The following FBXO10 variants were observed in gnomAD, a reference collection of about 807,000 sequenced individuals.
The protein encoded by FBXO10 is F-box only protein 10.
FBXO10 carries 39 observed loss-of-function variants against 80.7 expected under a neutral mutation model. That is an observed-to-expected ratio of 0.48 (90% confidence interval 0.37 to 0.63). FBXO10 has a LOEUF of 0.63. Among genes scored for constraint, FBXO10 ranks in the 30% least tolerant of loss-of-function variants. The pLI, the probability that FBXO10 is intolerant of heterozygous loss-of-function variation, is 0.00. For synonymous variants in FBXO10, 449 were observed against 489.6 expected, an observed-to-expected ratio of 0.92 and a Z score of 1.09; for missense variants, 1,025 against 1,269.0, an observed-to-expected ratio of 0.81 and a Z score of 2.92.
rs1042885955 is a variant in FBXO10 at position 37,555,660 on chromosome 9, C to T, written c.-6-13886G>A. ...CCTCCCAAAGCACTGGGATTACAGG[C>T]GTGAGCCACTGCGCCTGGTCCTTTT... On this transcript the variant is annotated intron_variant, in intron 1 of 10. Transcript: ENST00000432825. 4.6e-5 allele frequency among the ~76,000 whole-genome samples: 7 copies of T among 152,226 alleles called. No individual in the cohort carries two copies. The South Asian group carries it at 6.2e-4, about 14-fold the overall frequency.
chr9:37,519,898 A>G (rs1821284060), intron 8 of FBXO10, among the ~76,000 whole-genome samples: 1 of 136,806 alleles, frequency 7.3e-6, no homozygotes, highest in African/African-American at 2.4e-5. Context: ...GCTCACTGCA[A>G]CCTCGAACTC....
At chr9:37,524,895 G>C (rs911178068) in intron 6 of FBXO10, among the ~76,000 whole-genome samples, 14 of 152,240 alleles carry the variant, frequency 9.2e-5, no homozygotes, top group Admixed American at 3.9e-4. Context: ...CTCTGGGCCT[G>C]GAAGGAGCAG....
intron 10 of FBXO10, 134 bp downstream of exon 10, chr9:37,515,770 T>G (rs948051472): frequency 7.4e-6 from 7 of 943,622 alleles, no homozygotes; most frequent in Non-Finnish European, 1.1e-5. Flanking sequence ...GCACAGGCCT[T>G]TTTCTGACTG....
chr9:37,517,994 C>T (rs1821228187), intron 9 of FBXO10, 131 bp downstream of exon 9: 2 of 990,302 alleles, frequency 2.0e-6, no homozygotes, highest in Non-Finnish European at 2.9e-6. Context: ...AGGCTGAGTC[C>T]TGGCAGGAGG....
At chr9:37,529,349 G>C in intron 4 of FBXO10, 89 bp from the exon 5 acceptor site, 1 of 1,394,126 alleles carries the variant, frequency 7.2e-7, no homozygotes, top group Non-Finnish European at 9.9e-7. Flanking sequence ...TCCGCGGCAG[G>C]ATGAACACAG....
chr9:37,553,916 C>CAAAAAAAAAAAAAAAA (rs71494669), intron 1 of FBXO10, among the ~76,000 whole-genome samples: 1 of 64,322 alleles, frequency 1.6e-5, no homozygotes, highest in Non-Finnish European at 2.8e-5. Context: ...AAGTCTGCCT[C>CAAAAAAAAAAAAAAAA]AAAAAAAAAA....
rs1446272810 is a variant in FBXO10 at position 37,512,566 on chromosome 9, A to G, written c.2852T>C (p.Val951Ala). 3 of 1,613,668 alleles carry G rather than the reference A, an allele frequency of 1.9e-6. No homozygotes were observed. Among genetic ancestry groups the G allele is most frequent in the Non-Finnish European group, 2.5e-6 (3 of 1,179,798 alleles). ...GTGTCCTCACAGGATGGTGCAGAAG[A>G]CACTGCGGTTGCTGTGGTAACCACC... is the stretch of plus-strand genomic sequence containing the variant. Reference protein sequence around the residue: ...VEGGYHSNRSVFCTIL With the variant: ...VEGGYHSNRSAFCTIL Residue 951 changes from valine (V) to alanine (A), a missense_variant, in exon 11 of 11, where the codon GTC becomes GCC. This residue lies in a region of FBXO10 where 97 missense variants were observed against 101.8 expected (regional missense o/e 0.95). Transcript: ENST00000432825.
chr9:37,535,179 T>C (rs1341464968), intron 3 of FBXO10, among the ~76,000 whole-genome samples: 1 of 152,038 alleles, frequency 6.6e-6, no homozygotes, highest in Non-Finnish European at 1.5e-5. Context: ...TCAAACGGGC[T>C]CAGCTCCTAA....
chr9:37,561,325 G>A (rs374461740), intron 1 of FBXO10, among the ~76,000 whole-genome samples: 6 of 152,164 alleles, frequency 3.9e-5, no homozygotes, highest in Non-Finnish European at 5.9e-5. Context: ...GATTACAGGC[G>A]TGAGTTACCA....
intron 1 of FBXO10, among the ~76,000 whole-genome samples, chr9:37,574,305 A>C (rs902561316): frequency 3.7e-4 from 57 of 152,260 alleles, no homozygotes; most frequent in African/African-American, 1.3e-3. Context: ...AGGAAGGGAT[A>C]GTGTAACTGC....
intron 7 of FBXO10, 68 bp from the exon 8 acceptor site, chr9:37,521,906 G>C: frequency 6.8e-7 from 1 of 1,473,608 alleles, no homozygotes; most frequent in Non-Finnish European, 9.0e-7. Context: ...GTCTCCCTGA[G>C]AGGGGAAACA....
At chr9:37,553,916 C>CA (rs71494669) in intron 1 of FBXO10, among the ~76,000 whole-genome samples, 26,887 of 64,540 alleles carry the variant, frequency 0.42, 4,643 homozygotes, top group Non-Finnish European at 0.45. Context: ...AAGTCTGCCT[C>CA]AAAAAAAAAA....
At chr9:37,528,982 G>T in intron 5 of FBXO10, 142 bp downstream of exon 5, 2 of 1,119,780 alleles carry the variant, frequency 1.8e-6, no homozygotes, top group Non-Finnish European at 2.5e-6. Flanking sequence ...CACAAAAGCC[G>T]CTGTGTTACT....
chr9:37,516,110 C>A, intron 9 of FBXO10, 25 bp from the exon 10 acceptor site: 1 of 1,603,768 alleles, frequency 6.2e-7, no homozygotes, highest in South Asian at 1.1e-5. Flanking sequence ...CAGAGATTGT[C>A]ACACCTCAGG....
rs534066027 is a variant in FBXO10 at position 37,569,714 on chromosome 9, C to T, written c.-7+6497G>A. Among the ~76,000 whole-genome samples the T allele has an allele frequency of 5.3e-5, 8 of 152,264 alleles. No homozygotes were observed. In the South Asian group the frequency reaches 1.5e-3, roughly 28 times the overall value. On this transcript the variant is annotated intron_variant, in intron 1 of 10. Transcript: ENST00000432825. ...GAGCACAGTGGCTCACACCTGTAGT[C>T]CTTCCAGCTACCTGGGGAGACTGAA...
At chr9:37,549,283 C>T (rs4878697) in intron 1 of FBXO10, among the ~76,000 whole-genome samples, 77,231 of 151,940 alleles carry the variant, frequency 0.51, 20,311 homozygotes, top group East Asian at 0.71. Context: ...TGGGCTCCCA[C>T]AGCACCCAGA....
intron 1 of FBXO10, among the ~76,000 whole-genome samples, chr9:37,555,695 TA>T (rs1364777743): frequency 1.4e-5 from 2 of 140,752 alleles, no homozygotes; most frequent in African/African-American, 2.7e-5. Flanking sequence ...TGTCTGTTTT[TA>T]ATTGTTTTTT....
At position 37,510,895 on chromosome 9, in the gene FBXO10, C is replaced by CT. The variant is rs1450560151; in HGVS notation, c.*1651dup. 1 of 152,652 alleles carries CT rather than the reference C, an allele frequency of 6.6e-6. No individual in the cohort carries two copies. Among genetic ancestry groups the CT allele is most frequent in the Admixed American group, 6.5e-5 (1 of 15,286 alleles). 9.5% of individuals were successfully genotyped at this position (152,652 alleles called of 1,614,324 possible). A position where few individuals can be genotyped will look rare whatever the true frequency, so the allele number is the denominator to read the frequency against. On this transcript the variant is annotated 3_prime_UTR_variant, in exon 11 of 11. Coordinates refer to ENST00000432825, the MANE Select transcript of FBXO10 (RefSeq NM_012166.3). The stretch of plus-strand genomic sequence containing the variant: ...ACTAAGGAAAGGCTTCCAAAAGTGC[C>CT]TTTTTTAAAATATAGAACTTTATTT...
chr9:37,561,844 G>A (rs1428621499), intron 1 of FBXO10, among the ~76,000 whole-genome samples: 1 of 152,182 alleles, frequency 6.6e-6, no homozygotes, highest in Non-Finnish European at 1.5e-5. Flanking sequence ...TTTCAGACAG[G>A]GTTGTCAAGG....
Sources: allele counts gnomAD v4.1 joint callset (sites outside exome capture counted in the v4.1 genomes callset), GRCh38; gene constraint gnomAD v4.1.1; regional missense constraint gnomAD v4.1.1; transcripts MANE v1.5; gene names NCBI Gene and HGNC (gene_info 2026-07-23, HGNC 2026-07-21).